Variants in ECHS1 observed in about 807,000 individuals in gnomAD.
ECHS1 encodes enoyl-CoA hydratase, short chain 1, also known as enoyl-CoA hydratase, mitochondrial.
A neutral mutation model predicts 33.5 loss-of-function variants in ECHS1; 19 were observed. The ratio of observed to expected loss-of-function variants is 0.57; its 90% CI spans 0.40 to 0.83. ECHS1 has a LOEUF of 0.83. ECHS1 is among the 40% of genes least tolerant of loss of function. ECHS1 has a pLI of 0.00. For synonymous variants in ECHS1, 158 were observed against 146.6 expected (o/e 1.08, Z -0.56); for missense variants, 365 against 381.3 (o/e 0.96, Z 0.36).
At position 133,368,148 on chromosome 10, in the gene ECHS1, C is replaced by A. The variant is rs188104209; in HGVS notation, c.514+775G>T. On this transcript the variant is annotated intron_variant, in intron 4 of 7. Coordinates refer to ENST00000368547, the MANE Select transcript of ECHS1 (RefSeq NM_004092.4). ...ACCTGCTAAGCCCCGTAGGGCTGGA[C>A]ACTACACTCCCCCAACACCCTGACA... 9.2e-5 allele frequency among the ~76,000 whole-genome samples: 14 copies of A among 152,328 alleles called. 1 individual carries two copies. The highest frequency in any genetic ancestry group is 3.1e-4 in the African/African-American group (13 of 41,572).
rs571520711 is a variant in ECHS1 at position 133,370,581 on chromosome 10, C to T, written c.265G>A (p.Gly89Ser). ...DPAVGAIVLT[G>S]GDKAFAAGAD... ...GTACCTGCAAAGGCCTTATCCCCGC[C>T]GGTGAGGACAATGGCCCCCACGGCC... Residue 89 changes from glycine to serine, a missense_variant, in exon 2 of 8, where the codon GGC becomes AGC. Gly to Ser is a moderately conservative substitution (Grantham distance 56). Coordinates refer to ENST00000368547, the MANE Select transcript of ECHS1 (RefSeq NM_004092.4). 1.1e-5 allele frequency: 17 copies of T among 1,600,084 alleles called. No homozygotes were observed. The highest frequency in any genetic ancestry group is 4.5e-5 in the East Asian group (2 of 44,598).
At position 133,370,777 on chromosome 10, in the gene ECHS1, AG is replaced by A. The variant is rs1849098012; in HGVS notation, c.89-21del. On this transcript the variant is annotated intron_variant, in intron 1 of 7. Coordinates refer to ENST00000368547, the MANE Select transcript of ECHS1 (RefSeq NM_004092.4). The stretch of plus-strand genomic sequence containing the variant: ...TAGCACCTGGAGCAAGAAGGCAAAA[AG>A]GGGTATCTATTCACACAGGTATCAA... 6.2e-7 allele frequency: 1 copy of A among 1,600,708 alleles called. No individual in the cohort carries two copies. Among genetic ancestry groups the A allele is most frequent in the African/African-American group, 1.3e-5 (1 of 74,740 alleles).
chr10:133,373,067 A>G (rs1589884633), intron 1 of ECHS1, among the ~76,000 whole-genome samples, 179 bp downstream of exon 1: 1 of 34,812 alleles, frequency 2.9e-5, no homozygotes, highest in African/African-American at 1.2e-4. Context: ...GGTCAGGCGG[A>G]GTGGGGTGCG....
Position 133,362,567 on chromosome 10 carries a change from C to T in ECHS1, c.*301G>A, listed in dbSNP as rs538932115. 8.7e-5 allele frequency: 41 copies of T among 470,950 alleles called. No individual in the cohort carries two copies. The highest frequency in any genetic ancestry group is 6.0e-4 in the Middle Eastern group (1 of 1,664). 29.2% of individuals were successfully genotyped at this position (470,950 alleles called of 1,614,324 possible). Reference sequence around the variant, plus strand: ...CCCTCAGAGCAGCCCCATTCTTCAGCGGCAGGGACACAAGGACCCGCAGGC... The same window carrying T: ...CCCTCAGAGCAGCCCCATTCTTCAGTGGCAGGGACACAAGGACCCGCAGGC... On this transcript the variant is annotated 3_prime_UTR_variant, in exon 8 of 8. Coordinates refer to ENST00000368547, the MANE Select transcript of ECHS1 (RefSeq NM_004092.4).
At chr10:133,370,428 C>T (rs966690951) in intron 2 of ECHS1, 132 bp downstream of exon 2, 11 of 1,034,782 alleles carry the variant, frequency 1.1e-5, no homozygotes, top group African/African-American at 4.8e-5. Flanking sequence ...CGTCTTCACT[C>T]GATATTTGAG....
chr10:133,370,828 G>A, intron 1 of ECHS1, 71 bp from the exon 2 acceptor site: 2 of 1,493,028 alleles, frequency 1.3e-6, no homozygotes, highest in Non-Finnish European at 1.8e-6. Context: ...GGGAAGGGAT[G>A]TGGCCCCATC....
chr10:133,373,175 G>A (rs1849139657), intron 1 of ECHS1, 71 bp downstream of exon 1: 3 of 1,264,808 alleles, frequency 2.4e-6, no homozygotes, highest in South Asian at 3.5e-5. Flanking sequence ...GGTGCGGTCT[G>A]GGATCTGGTC....
In ECHS1 at chr10:133,373,290, A is replaced by T; in HGVS notation, c.44T>A (p.Leu15Gln). Residue 15 changes from leucine to glutamine, a missense_variant, in exon 1 of 8, where the codon CTG becomes CAG. Transcript: ENST00000368547. ...GGCGGGACAGCGAACCGGGGGCCTC[A>T]GCGGGCCGCGGACGCAGGACAGCAG... Reference protein sequence around the residue: ...RVLLSCVRGPLRPPVRCPAWR... With the variant: ...RVLLSCVRGPQRPPVRCPAWR... The T allele has an allele frequency of 6.7e-7, 1 of 1,482,938 alleles. No individual in the cohort carries two copies. The highest frequency in any genetic ancestry group is 1.3e-5 in the South Asian group (1 of 77,706). The allele number at this position is 1,482,938 out of a possible 1,614,324, so 91.9% of individuals were successfully genotyped here.
intron 4 of ECHS1, among the ~76,000 whole-genome samples, chr10:133,367,668 G>A (rs1341309407): frequency 1.3e-5 from 2 of 151,730 alleles, no homozygotes; most frequent in Non-Finnish European, 2.9e-5. Context: ...GTCATCCGGA[G>A]GCCTAACCCC....
chr10:133,372,362 C>T (rs1157269394), intron 1 of ECHS1, among the ~76,000 whole-genome samples: 2 of 152,164 alleles, frequency 1.3e-5, no homozygotes, highest in African/African-American at 4.8e-5. Context: ...AGTGGGGCCC[C>T]GGGTGAGCCA....
At chr10:133,365,908 C>T in intron 6 of ECHS1, 68 bp downstream of exon 6, 3 of 1,584,836 alleles carry the variant, frequency 1.9e-6, no homozygotes, top group Non-Finnish European at 2.6e-6. Flanking sequence ...AGCCAGAAAG[C>T]CTGCTGCTGA....
At chr10:133,364,867 C>T (rs762156300) in intron 6 of ECHS1, 142 bp from the exon 7 acceptor site, 166 of 654,734 alleles carry the variant, frequency 2.5e-4, no homozygotes, top group Non-Finnish European at 3.9e-4. Context: ...TCCATGGTGC[C>T]GCCCTTCTCA....
intron 3 of ECHS1, 147 bp from the exon 4 acceptor site, chr10:133,369,169 TATG>T (rs1043701105): frequency 7.4e-6 from 5 of 680,250 alleles, no homozygotes; most frequent in African/African-American, 1.8e-5. Context: ...AGATAATTGT[TATG>T]ATAAGTTAAC....
chr10:133,366,166 CG>C, intron 5 of ECHS1, 71 bp from the exon 6 acceptor site: 2 of 1,555,294 alleles, frequency 1.3e-6, no homozygotes, highest in Non-Finnish European at 1.7e-6. Flanking sequence ...AGTGAGTGGC[CG>C]CTGGGGAGCA....
intron 1 of ECHS1, chr10:133,371,613 C>G (rs1000382983): frequency 3.2e-5 from 5 of 154,476 alleles, no homozygotes; most frequent in Admixed American, 1.3e-4. Flanking sequence ...ATGGGAGACG[C>G]AGGCGCTTCT....
At chr10:133,364,135 G>A (rs1020454369) in intron 7 of ECHS1, among the ~76,000 whole-genome samples, 5 of 151,998 alleles carry the variant, frequency 3.3e-5, no homozygotes, top group African/African-American at 9.6e-5. Context: ...TAGTAGAGAC[G>A]GGTTTCGTCA....
rs559703955 is a variant in ECHS1, at chr10:133,371,820, C to T, written c.89-1063G>A. Among the ~76,000 whole-genome samples the T allele has an allele frequency of 5.3e-5, 8 of 151,998 alleles. No homozygotes were observed. The East Asian group carries it at 5.8e-4, about 11-fold the overall frequency. ...CTATGGGTTTCTTTTTTTTGGAGAC[C>T]GAGTCTCACTCTATTGCCCAGGCTG... On this transcript the variant is annotated intron_variant, in intron 1 of 7. Coordinates refer to ENST00000368547, the MANE Select transcript of ECHS1 (RefSeq NM_004092.4).
In ECHS1 at chr10:133,366,778, C is replaced by A. The variant is rs572807097; in HGVS notation, c.619+111G>T. On this transcript the variant is annotated intron_variant, in intron 5 of 7. Transcript: ENST00000368547. ...TGAGGGGGACACCTGGATGCTGCCC[C>A]GGGTTTCTGTGGGGCTCCCCCGAGG... 182 of 712,588 alleles carry A rather than the reference C, an allele frequency of 2.6e-4. 2 individuals are homozygous for A. In the African/African-American group the frequency reaches 3.7e-3, roughly 15 times the overall value. 44.1% of individuals were successfully genotyped at this position (712,588 alleles called of 1,614,324 possible).
chr10:133,371,981 G>C (rs1428213519), intron 1 of ECHS1, among the ~76,000 whole-genome samples: 1 of 152,142 alleles, frequency 6.6e-6, no homozygotes, highest in African/African-American at 2.4e-5. Flanking sequence ...ATTTTTAGTA[G>C]ACATGGGGTT....
Sources: gnomAD v4.1 joint callset for allele counts (sites outside exome capture counted in the v4.1 genomes callset) on GRCh38, gnomAD v4.1.1 for gene constraint, MANE v1.5 for transcripts, NCBI Gene and HGNC (gene_info 2026-07-23, HGNC 2026-07-21) for gene names.